The following PTPRD variants were observed in gnomAD, a reference collection of about 807,000 sequenced individuals.
PTPRD encodes protein tyrosine phosphatase receptor type D.
A neutral mutation model predicts 214.5 loss-of-function variants in PTPRD; 34 were observed. That is an observed-to-expected ratio of 0.16 (90% CI 0.12 to 0.21). The LOEUF is 0.21. Among genes scored for constraint, PTPRD ranks in the 10% least tolerant of loss-of-function variants. The pLI is 1.00. For synonymous variants in PTPRD, 1,128 were observed against 845.7 expected (o/e 1.33, Z -5.79); for missense variants, 2,545 against 2,398.7 (o/e 1.06, Z -1.27).
At chr9:9,449,397 A>G (rs1264262646) in intron 8 of PTPRD, among the ~76,000 whole-genome samples, 2 of 114,976 alleles carry the variant, frequency 1.7e-5, no homozygotes, top group South Asian at 3.5e-4. Flanking sequence ...ATCAGTGAGA[A>G]ATTCAAATTG....
chr9:9,884,730 T>G (rs926745760), intron 5 of PTPRD, among the ~76,000 whole-genome samples: 1 of 152,116 alleles, frequency 6.6e-6, no homozygotes, highest in African/African-American at 2.4e-5. Flanking sequence ...TACATGCTGT[T>G]TTCATGATAG....
At chr9:8,346,409 G>C (rs1281859951) in intron 39 of PTPRD, among the ~76,000 whole-genome samples, 2 of 152,028 alleles carry the variant, frequency 1.3e-5, no homozygotes, top group African/African-American at 4.8e-5. Flanking sequence ...TTTTATCTGT[G>C]GTTTTGACTT....
At chr9:9,611,218 G>C (rs1162533119) in intron 7 of PTPRD, among the ~76,000 whole-genome samples, 3 of 152,100 alleles carry the variant, frequency 2.0e-5, no homozygotes, top group Non-Finnish European at 4.4e-5. Flanking sequence ...TGCACATAAA[G>C]CCAGTAGCAT....
intron 2 of PTPRD, among the ~76,000 whole-genome samples, chr9:10,486,539 T>C (rs957613935): frequency 1.3e-5 from 2 of 152,180 alleles, no homozygotes; most frequent in African/African-American, 4.8e-5. Context: ...CATTGGTCTA[T>C]ATGTCTTCTT....
At chr9:9,292,959 T>A (rs1951697091) in intron 9 of PTPRD, among the ~76,000 whole-genome samples, 1 of 151,542 alleles carries the variant, frequency 6.6e-6, no homozygotes, top group Non-Finnish European at 1.5e-5. Context: ...TTATCACTGC[T>A]GATTTTCATC....
At chr9:10,413,512 T>C (rs769153223) in intron 2 of PTPRD, among the ~76,000 whole-genome samples, 2 of 151,868 alleles carry the variant, frequency 1.3e-5, no homozygotes, top group Admixed American at 6.6e-5. Flanking sequence ...AGAATCAATA[T>C]CATTAAAATG....
intron 3 of PTPRD, among the ~76,000 whole-genome samples, chr9:10,331,207 G>A (rs761382397): frequency 2.6e-5 from 4 of 151,814 alleles, no homozygotes; most frequent in Non-Finnish European, 4.4e-5. Flanking sequence ...ACTGCCTAAC[G>A]CAGATACTGG....
At chr9:9,721,485 A>C (rs2097944768) in intron 7 of PTPRD, among the ~76,000 whole-genome samples, 2 of 152,262 alleles carry the variant, frequency 1.3e-5, no homozygotes, top group African/African-American at 4.8e-5. Context: ...ACAGGTTCAA[A>C]ACAAGATATT....
chr9:9,310,746 C>T (rs1390511468), intron 9 of PTPRD, among the ~76,000 whole-genome samples: 4 of 151,722 alleles, frequency 2.6e-5, no homozygotes, highest in African/African-American at 7.3e-5. Flanking sequence ...GGAGAAATGC[C>T]GTCTCTACTA....
intron 2 of PTPRD, among the ~76,000 whole-genome samples, chr9:10,497,922 C>T (rs1275987957): frequency 2.0e-5 from 3 of 151,974 alleles, no homozygotes; most frequent in East Asian, 3.8e-4. Context: ...ATGTACCATA[C>T]ACTGGATTGC....
chr9:9,372,927 C>A lies in PTPRD; in HGVS notation c.-203+24522G>T, dbSNP rs558512498. Among the ~76,000 whole-genome samples the A allele has an allele frequency of 3.9e-5, 6 of 152,174 alleles. No individual in the cohort carries two copies. In the South Asian group the frequency reaches 1.2e-3, roughly 32 times the overall value. ...GGAATCACTTGGTCAAAGAGTAATG[C>A]ACACTCTCCATTTTGAGAAACCTTT... On this transcript the variant is annotated intron_variant, in intron 9 of 45. Transcript: ENST00000381196.
intron 6 of PTPRD, among the ~76,000 whole-genome samples, chr9:9,748,737 C>A (rs935273019): frequency 6.6e-6 from 1 of 152,040 alleles, no homozygotes; most frequent in Non-Finnish European, 1.5e-5. Flanking sequence ...CTTTAACTTA[C>A]GAATTTTGGC....
intron 34 of PTPRD, among the ~76,000 whole-genome samples, chr9:8,445,258 A>T (rs1180544249): frequency 6.6e-6 from 1 of 152,166 alleles, no homozygotes; most frequent in African/African-American, 2.4e-5. Flanking sequence ...GTACACTAAT[A>T]ATGATTTATT....
At chr9:9,789,790 CTGTCTCAAAAAAAA>C (rs1451571476) in intron 5 of PTPRD, among the ~76,000 whole-genome samples, 2 of 71,798 alleles carry the variant, frequency 2.8e-5, no homozygotes, top group Middle Eastern at 8.8e-3. Flanking sequence ...GAGCCAAACT[CTGTCTCAAAAAAAA>C]AAAAAAAAAA....
intron 11 of PTPRD, among the ~76,000 whole-genome samples, chr9:8,852,675 C>A (rs2097843901): frequency 6.6e-6 from 1 of 152,182 alleles, no homozygotes; most frequent in Non-Finnish European, 1.5e-5. Flanking sequence ...AAACTGTCAT[C>A]TTTTTCATTT....
At chr9:8,869,522 C>G in intron 11 of PTPRD, among the ~76,000 whole-genome samples, 1 of 152,246 alleles carries the variant, frequency 6.6e-6, no homozygotes, top group East Asian at 1.9e-4. Context: ...GACCCTGAAT[C>G]AGAAACTCTG....
intron 5 of PTPRD, among the ~76,000 whole-genome samples, chr9:9,914,296 C>A (rs1167383968): frequency 6.6e-6 from 1 of 152,220 alleles, no homozygotes; most frequent in African/African-American, 2.4e-5. Context: ...CCTGTGCCTG[C>A]AGTCAGCGTT....
At chr9:10,231,977 AGAGAGAGAGAGAGT>A (rs1249280548) in intron 3 of PTPRD, among the ~76,000 whole-genome samples, 24 of 121,538 alleles carry the variant, frequency 2.0e-4, no homozygotes, top group African/African-American at 8.0e-4. Context: ...AGAGAGAGAG[AGAGAGAGAGAGAGT>A]GTGTGTGTGT....
intron 3 of PTPRD, among the ~76,000 whole-genome samples, chr9:10,094,304 A>G (rs2098461751): frequency 1.3e-5 from 2 of 151,198 alleles, no homozygotes; most frequent in African/African-American, 2.4e-5. Context: ...ATGTAAAATT[A>G]CTCACAAGTC....
Sources: allele counts gnomAD v4.1 joint callset (sites outside exome capture counted in the v4.1 genomes callset), GRCh38; gene constraint gnomAD v4.1.1; transcripts MANE v1.5; gene names NCBI Gene and HGNC (gene_info 2026-07-23, HGNC 2026-07-21).